Variants in SAMD5 observed in about 807,000 individuals in gnomAD.
SAMD5 encodes sterile alpha motif domain containing 5.
SAMD5 carries 13 observed loss-of-function variants against 11.3 expected under a neutral mutation model. The observed-to-expected ratio is 1.15, with a 90% CI of 0.75 to 1.83. The LOEUF (loss-of-function observed/expected upper bound fraction) is 1.83. Among genes scored for constraint, SAMD5 ranks in the 40% most tolerant of loss-of-function variants. SAMD5 has a pLI of 0.00. For synonymous variants in SAMD5, 129 were observed against 111.3 expected (o/e 1.16, Z -1.00); for missense variants, 255 against 239.1 (o/e 1.07, Z -0.44).
chr6:147,811,669 G>A, the SAMD5 span, among the ~76,000 whole-genome samples: 1 of 152,060 alleles, frequency 6.6e-6, no homozygotes, highest in Non-Finnish European at 1.5e-5. Flanking sequence ...ATTGATGATG[G>A]AATTGACTGA....
the SAMD5 span, among the ~76,000 whole-genome samples, chr6:147,745,954 C>T: frequency 1.1e-3 from 168 of 152,194 alleles, no homozygotes; most frequent in South Asian, 3.5e-3. Flanking sequence ...CTTGGCCAGG[C>T]TGGTCTCGAA....
intron 1 of SAMD5, among the ~76,000 whole-genome samples, chr6:147,619,207 T>A (rs1433695323): frequency 1.3e-5 from 2 of 152,236 alleles, no homozygotes; most frequent in Non-Finnish European, 2.9e-5. Flanking sequence ...TTATTTTTTT[T>A]AAGTATGAAG....
At chr6:147,909,560 TTTTCTTTCTTTCTTTCTTTCTTTCTTTC>T in the SAMD5 span, among the ~76,000 whole-genome samples, 32 of 78,928 alleles carry the variant, frequency 4.1e-4, no homozygotes, top group Admixed American at 9.9e-4. Context: ...CATCCATCTT[TTTTCTTTCTTTCTTTCTTTCTTTCTTTC>T]TTTCTTTCTT....
At chr6:147,949,878 A>G in the SAMD5 span, among the ~76,000 whole-genome samples, 2 of 152,252 alleles carry the variant, frequency 1.3e-5, no homozygotes, top group African/African-American at 4.8e-5. Context: ...TAATTCAAGT[A>G]TGATAAAATA....
chr6:147,575,917 T>A (rs1448248016), intron 1 of SAMD5, among the ~76,000 whole-genome samples: 2 of 152,166 alleles, frequency 1.3e-5, no homozygotes, highest in Non-Finnish European at 2.9e-5. Flanking sequence ...CATGGAACAA[T>A]ATCAATTTTT....
chr6:147,639,716 A>G (rs954087894), intron 1 of SAMD5, among the ~76,000 whole-genome samples: 6 of 152,214 alleles, frequency 3.9e-5, no homozygotes, highest in African/African-American at 1.4e-4. Context: ...TTTCCTCTGC[A>G]TCTTTCTTTG....
chr6:147,917,261 A>T, the SAMD5 span, among the ~76,000 whole-genome samples: 28 of 143,942 alleles, frequency 1.9e-4, no homozygotes, highest in African/African-American at 6.5e-4. Flanking sequence ...AACAGGTGTG[A>T]GATGGTATCT....
At chr6:147,772,162 A>T in the SAMD5 span, among the ~76,000 whole-genome samples, 1 of 152,174 alleles carries the variant, frequency 6.6e-6, no homozygotes, top group Non-Finnish European at 1.5e-5. Context: ...TGCAATTTGC[A>T]TCGAAATGTC....
At chr6:147,848,486 T>C in the SAMD5 span, among the ~76,000 whole-genome samples, 3 of 152,162 alleles carry the variant, frequency 2.0e-5, no homozygotes, top group Admixed American at 2.0e-4. Context: ...AAGCAATTCA[T>C]TGAAGAAGGT....
chr6:147,585,961 G>A (rs1789367605), intron 1 of SAMD5, among the ~76,000 whole-genome samples: 2 of 152,120 alleles, frequency 1.3e-5, no homozygotes, highest in South Asian at 2.1e-4. Flanking sequence ...GTTTCTTCAT[G>A]TCGCAGTTCA....
intron 1 of SAMD5, among the ~76,000 whole-genome samples, chr6:147,552,229 G>A (rs554551390): frequency 3.3e-5 from 5 of 152,312 alleles, no homozygotes; most frequent in Admixed American, 3.3e-4. Flanking sequence ...ATTATGTGGA[G>A]AGGAAATACA....
chr6:147,636,935 C>T (rs78245182), intron 1 of SAMD5, among the ~76,000 whole-genome samples: 5 of 151,472 alleles, frequency 3.3e-5, no homozygotes, highest in Non-Finnish European at 5.9e-5. Context: ...TTAAAGACAT[C>T]GTATTGGGTG....
chr6:147,741,230 A>G (rs1434898213), downstream of SAMD5, among the ~76,000 whole-genome samples: 1 of 152,146 alleles, frequency 6.6e-6, no homozygotes, highest in Non-Finnish European at 1.5e-5. Flanking sequence ...AGCTCCCCAG[A>G]GGAAACATTT....
chr6:147,943,143 T>A, the SAMD5 span, among the ~76,000 whole-genome samples: 37 of 152,310 alleles, frequency 2.4e-4, 1 homozygote, highest in African/African-American at 7.5e-4. Context: ...TCATCTTGCC[T>A]GAGAGTATGA....
At chr6:147,945,598 G>T in the SAMD5 span, among the ~76,000 whole-genome samples, 37 of 152,162 alleles carry the variant, frequency 2.4e-4, no homozygotes, top group African/African-American at 8.7e-4. Context: ...ACTTCCTAGA[G>T]GGTGATGAAT....
intron 1 of SAMD5, among the ~76,000 whole-genome samples, chr6:147,694,033 G>C (rs1262571375): frequency 6.6e-6 from 1 of 152,084 alleles, no homozygotes; most frequent in Non-Finnish European, 1.5e-5. Flanking sequence ...TTTATACCAG[G>C]ATGTTGTTTT....
chr6:147,825,813 T>C, the SAMD5 span, among the ~76,000 whole-genome samples: 1 of 152,252 alleles, frequency 6.6e-6, no homozygotes, highest in Non-Finnish European at 1.5e-5. Context: ...TACTTATTCA[T>C]GTGAAAGTAG....
the SAMD5 span, among the ~76,000 whole-genome samples, chr6:147,902,033 C>T: frequency 2.6e-5 from 4 of 152,048 alleles, no homozygotes; most frequent in South Asian, 8.3e-4. Flanking sequence ...GTTCAGAAAT[C>T]AATAGTCTCC....
At chr6:147,547,442 GTTCCCGT>G (rs1198523765) in intron 1 of SAMD5, among the ~76,000 whole-genome samples, 2 of 149,420 alleles carry the variant, frequency 1.3e-5, no homozygotes, top group Non-Finnish European at 3.0e-5. Flanking sequence ...CAGACAGGAG[GTTCCCGT>G]TTGCTTTGCT....
Sources: gnomAD v4.1 joint callset for allele counts (sites outside exome capture counted in the v4.1 genomes callset) on GRCh38, gnomAD v4.1.1 for gene constraint, MANE v1.5 for transcripts, NCBI Gene and HGNC (gene_info 2026-07-23, HGNC 2026-07-21) for gene names.